The following DNAJC6 variants were observed in gnomAD, a reference collection of about 807,000 sequenced individuals.
The protein encoded by DNAJC6 is DnaJ heat shock protein family (Hsp40) member C6.
In DNAJC6, 34 loss-of-function variants were observed where a neutral mutation model predicts 110.0. The observed-to-expected ratio is 0.31, with a 90% CI of 0.24 to 0.41. DNAJC6 has a LOEUF of 0.41. Among genes scored for constraint, DNAJC6 ranks in the 10% least tolerant of loss-of-function variants. The probability of loss-of-function intolerance (pLI) is 1.00; values close to 1 mark genes in which losing one functional copy is unlikely to be tolerated. For synonymous variants in DNAJC6, 406 were observed against 437.2 expected (o/e 0.93, Z 0.89); for missense variants, 1,031 against 1,207.8 (o/e 0.85, Z 2.17).
chr1:65,283,517 A>G (rs1348779918), intron 1 of DNAJC6, among the ~76,000 whole-genome samples: 1 of 152,156 alleles, frequency 6.6e-6, no homozygotes, highest in African/African-American at 2.4e-5. Context: ...AGTATTCCCT[A>G]AAATGGATAT....
chr1:65,393,833 A>G (rs923800309), intron 12 of DNAJC6, among the ~76,000 whole-genome samples: 2 of 152,126 alleles, frequency 1.3e-5, no homozygotes, highest in African/African-American at 2.4e-5. Flanking sequence ...CCCCAAGCGT[A>G]TCCTTCCCAG....
upstream of DNAJC6, among the ~76,000 whole-genome samples, chr1:65,307,381 A>G (rs1197398579): frequency 1.3e-5 from 2 of 152,136 alleles, no homozygotes; most frequent in African/African-American, 4.8e-5. Flanking sequence ...TTACACTTGC[A>G]AACTCCAGAG....
chr1:65,401,622 G>A, intron 14 of DNAJC6, 139 bp from the exon 15 acceptor site: 1 of 1,215,420 alleles, frequency 8.2e-7, no homozygotes, highest in South Asian at 1.7e-5. Flanking sequence ...GGGAAACAGG[G>A]TCTAGCAACT....
chr1:65,382,963 G>C (rs1040824750), intron 5 of DNAJC6, among the ~76,000 whole-genome samples: 9 of 152,090 alleles, frequency 5.9e-5, no homozygotes, highest in African/African-American at 2.2e-4. Context: ...AGAAAGGGAG[G>C]GTATTTCAGA....
intron 2 of DNAJC6, 104 bp from the exon 3 acceptor site, chr1:65,365,781 C>T: frequency 7.8e-7 from 1 of 1,285,374 alleles, no homozygotes; most frequent in Non-Finnish European, 1.1e-6. Context: ...AAACATGCCC[C>T]CTGGACAGCG....
chr1:65,291,283 T>G (rs1053520166), intron 1 of DNAJC6, among the ~76,000 whole-genome samples: 1 of 152,226 alleles, frequency 6.6e-6, no homozygotes, highest in Non-Finnish European at 1.5e-5. Context: ...TCCACCCACC[T>G]TGGCCTCCCA....
intron 1 of DNAJC6, among the ~76,000 whole-genome samples, chr1:65,284,841 A>G (rs1462720670): frequency 1.3e-5 from 2 of 151,556 alleles, no homozygotes; most frequent in Admixed American, 1.3e-4. Context: ...GGCACCCACC[A>G]CCACGCCTGG....
At chr1:65,303,794 C>T (rs1022859291) in intron 1 of DNAJC6, among the ~76,000 whole-genome samples, 4 of 152,026 alleles carry the variant, frequency 2.6e-5, no homozygotes, top group Admixed American at 6.6e-5. Flanking sequence ...AGGCTGGTCT[C>T]GAACTCCCGA....
chr1:65,395,554 T>C (rs1371512045), intron 13 of DNAJC6, among the ~76,000 whole-genome samples: 1 of 152,162 alleles, frequency 6.6e-6, no homozygotes, highest in Non-Finnish European at 1.5e-5. Flanking sequence ...TGATTTGAGA[T>C]ACACTCCAAG....
At position 65,349,042 on chromosome 1, in the gene DNAJC6, GCATATATAAAAATATATATGTAAATA is replaced by G. The variant is rs1013663146; in HGVS notation, c.194-15566_194-15541del. ...TGAATACATATAAATATATGTAAAT[GCATATATAAAAATATATATGTAAATA>G]CATATATAAAAATATATATGTAAAT... On this transcript the variant is annotated intron_variant, in intron 1 of 18. Transcript: ENST00000371069. 6.6e-5 allele frequency among the ~76,000 whole-genome samples: 9 copies of G among 136,726 alleles called. No homozygotes were observed. In the South Asian group the frequency reaches 9.6e-4, roughly 15 times the overall value. The allele number at this position is 136,726 out of a possible 152,430, so 89.7% of individuals were successfully genotyped here.
chr1:65,408,858 A>G (rs1220096228), intron 17 of DNAJC6, 75 bp downstream of exon 17: 3 of 1,530,968 alleles, frequency 2.0e-6, no homozygotes, highest in Non-Finnish European at 2.6e-6. Context: ...GTATGGAGCT[A>G]TCGCCATGAG....
chr1:65,383,998 G>A, intron 5 of DNAJC6, 195 bp from the exon 6 acceptor site: 1 of 456,506 alleles, frequency 2.2e-6, no homozygotes, highest in Non-Finnish European at 3.7e-6. Context: ...CTAAGGATAA[G>A]TCTTTCCTTG....
intron 4 of DNAJC6, among the ~76,000 whole-genome samples, chr1:65,375,666 T>C (rs1280330825): frequency 6.6e-6 from 1 of 152,196 alleles, no homozygotes; most frequent in African/African-American, 2.4e-5. Flanking sequence ...GACCTCGTGA[T>C]CCGCCTGCCT....
intron 1 of DNAJC6, chr1:65,279,595 A>G (rs1191005038): frequency 1.3e-5 from 2 of 152,122 alleles, no homozygotes; most frequent in Non-Finnish European, 2.9e-5. Context: ...ACATGCATGC[A>G]CACACACACA....
At chr1:65,316,423 C>G (rs1008367313) in intron 1 of DNAJC6, among the ~76,000 whole-genome samples, 1 of 152,194 alleles carries the variant, frequency 6.6e-6, no homozygotes, top group African/African-American at 2.4e-5. Context: ...TCCTCAGCAG[C>G]CTTTACTTCC....
At chr1:65,356,688 A>T (rs1224654589) in intron 1 of DNAJC6, among the ~76,000 whole-genome samples, 3 of 152,160 alleles carry the variant, frequency 2.0e-5, no homozygotes, top group African/African-American at 4.8e-5. Context: ...TTATTATTTG[A>T]TCCTGTTGAT....
At chr1:65,322,338 C>A (rs543200571) in intron 1 of DNAJC6, among the ~76,000 whole-genome samples, 7 of 152,248 alleles carry the variant, frequency 4.6e-5, no homozygotes, top group African/African-American at 1.7e-4. Context: ...TATCTTCTCA[C>A]ACAGACATGG....
intron 1 of DNAJC6, among the ~76,000 whole-genome samples, chr1:65,266,392 AGGGCCAGGTAGCT>A (rs1409409184): frequency 1.6e-4 from 24 of 152,254 alleles, no homozygotes; most frequent in Admixed American, 1.6e-3. Context: ...GGCTTTCAAA[AGGGCCAGGTAGCT>A]GGTGGTGTTT....
chr1:65,291,482 A>G (rs976607181), intron 1 of DNAJC6, among the ~76,000 whole-genome samples: 3 of 152,246 alleles, frequency 2.0e-5, no homozygotes, highest in African/African-American at 7.2e-5. Flanking sequence ...ATTTTCTCCA[A>G]AGCTAAAGGT....
Sources: gnomAD v4.1 joint callset for allele counts (sites outside exome capture counted in the v4.1 genomes callset) on GRCh38, gnomAD v4.1.1 for gene constraint, MANE v1.5 for transcripts, NCBI Gene and HGNC (gene_info 2026-07-23, HGNC 2026-07-21) for gene names.